PCDHGC3: variants seen among roughly 807,000 people sequenced by gnomAD.
PCDHGC3 encodes protocadherin gamma subfamily C, 3, also known as protocadherin gamma-C3.
Under a neutral mutation model 59.2 loss-of-function variants are expected in PCDHGC3, and 26 were observed. That is an observed-to-expected ratio of 0.44 (90% CI 0.32 to 0.61). The LOEUF is 0.61. Among genes scored for constraint, PCDHGC3 ranks in the 20% least tolerant of loss-of-function variants. PCDHGC3 has a pLI of 0.05. For missense variants in PCDHGC3, 1,080 were observed against 1,221.8 expected, an observed-to-expected ratio of 0.88 and a Z score of 1.73; for synonymous variants, 487 against 519.7, an observed-to-expected ratio of 0.94 and a Z score of 0.86.
rs1446743849 is a variant in PCDHGC3, at chr5:141,476,288, C to T, written c.172C>T (p.Leu58Phe). The T allele has an allele frequency of 1.3e-5, 21 of 1,613,980 alleles. No individual in the cohort carries two copies. The highest frequency in any genetic ancestry group is 2.2e-5 in the South Asian group (2 of 91,076). Residue 58 changes from leucine to phenylalanine, a missense_variant, in exon 1 of 4, where the codon CTC becomes TTC. Physicochemically the swap from Leu to Phe is conservative, Grantham distance 22. Coordinates refer to ENST00000308177, the MANE Select transcript of PCDHGC3 (RefSeq NM_002588.4). This position sits in a 1 kb window ranked among gnomAD's most constrained non-coding sequence, Gnocchi z 7.6. ...CGTGGTCGCGAACCTTGGTTTGGAT[C>T]TCGGTAGCCTCTCAGCCCGCAGGTT... ...GNVVANLGLD[L>F]GSLSARRFRV...
At position 141,490,440 on chromosome 5, in the gene PCDHGC3, T is replaced by C. The variant is rs560525159; in HGVS notation, c.2431-4367T>C. On this transcript the variant is annotated intron_variant, in intron 1 of 3. Transcript: ENST00000308177. This position sits in a 1 kb window ranked among gnomAD's most constrained non-coding sequence, Gnocchi z 5.4. ...ACCTGCCATTTCAGATTAAGCCTTC[T>C]GAGAACCACTACTCGCTGCTAACCA... 7 of 1,614,206 alleles carry C rather than the reference T, an allele frequency of 4.3e-6. No homozygotes were observed. Among genetic ancestry groups the C allele is most frequent in the Non-Finnish European group, 5.9e-6 (7 of 1,180,040 alleles).
In PCDHGC3 at chr5:141,491,908, G is replaced by T; in HGVS notation, c.2431-2899G>T. ...GGGGCTCCGAGCACCGGGGGTGGTG[G>T]CGACTGTGGGCGAGGGGAGGTGGGA... On this transcript the variant is annotated intron_variant, in intron 1 of 3. Transcript: ENST00000308177. The surrounding 1 kb of genome is among the most constrained non-coding windows in gnomAD (Gnocchi z 6.9). 7.1e-7 allele frequency: 1 copy of T among 1,408,288 alleles called. No homozygotes were observed. Among genetic ancestry groups the T allele is most frequent in the Non-Finnish European group, 9.4e-7 (1 of 1,060,836 alleles). The allele number at this position is 1,408,288 out of a possible 1,614,324, so 87.2% of individuals were successfully genotyped here. A position where few individuals can be genotyped will look rare whatever the true frequency, so the allele number is the denominator to read the frequency against.
intron 3 of PCDHGC3, among the ~76,000 whole-genome samples, chr5:141,505,976 A>G (rs911235674): frequency 1.3e-5 from 2 of 152,136 alleles, no homozygotes; most frequent in Admixed American, 1.3e-4. Context: ...CCCAGCCGAG[A>G]GAACACCTCC....
Position 141,478,400 on chromosome 5 carries a change from C to A in PCDHGC3, c.2284C>A (p.Leu762Ile), listed in dbSNP as rs1295855090. ...GCCGCACCTTTACCATCAGGTGTAT[C>A]TCACCACGGACTCCCGCCGCAGCGA... ...MSPHLYHQVYLTTDSRRSDPL... is the reference protein window; with the variant it reads ...MSPHLYHQVYITTDSRRSDPL... Residue 762 changes from leucine to isoleucine, a missense_variant, in exon 1 of 4, where the codon CTC (leucine) becomes ATC (isoleucine). Leu to Ile is a conservative substitution (Grantham distance 5). Coordinates refer to ENST00000308177, the MANE Select transcript of PCDHGC3 (RefSeq NM_002588.4). 6.2e-7 allele frequency: 1 copy of A among 1,613,550 alleles called. No individual in the cohort carries two copies. The highest frequency in any genetic ancestry group is 2.2e-5 in the East Asian group (1 of 44,874).
chr5:141,507,522 C>G (rs560304194), intron 3 of PCDHGC3, among the ~76,000 whole-genome samples: 365 of 152,096 alleles, frequency 2.4e-3, no homozygotes, highest in African/African-American at 8.1e-3. Context: ...GCTATGATTC[C>G]AGAGAGGCCA....
chr5:141,495,034 A>C (rs986393420), intron 2 of PCDHGC3, 169 bp downstream of exon 2: 1 of 962,702 alleles, frequency 1.0e-6, no homozygotes, highest in Non-Finnish European at 1.2e-6. Context: ...CCCCGGAAGG[A>C]AGAGGCGACT....
At chr5:141,508,499 C>T (rs1425054102) in intron 3 of PCDHGC3, among the ~76,000 whole-genome samples, 7 of 152,212 alleles carry the variant, frequency 4.6e-5, no homozygotes, top group Non-Finnish European at 1.0e-4. Flanking sequence ...CATATCTTCT[C>T]TCCCTCCTGG....
In PCDHGC3 at chr5:141,490,023, G is replaced by A. The variant is rs1306715385; in HGVS notation, c.2431-4784G>A. The A allele has an allele frequency of 1.2e-6, 2 of 1,614,134 alleles. No homozygotes were observed. Among genetic ancestry groups the A allele is most frequent in the Non-Finnish European group, 1.7e-6 (2 of 1,180,060 alleles). On this transcript the variant is annotated intron_variant, in intron 1 of 3. Transcript: ENST00000308177. This position sits in a 1 kb window ranked among gnomAD's most constrained non-coding sequence, Gnocchi z 5.4. ...AGAATGCACCCATTGGTACTCTGCT[G>A]CTCCGCCTCAATGCCACTGATCCAG... is the stretch of plus-strand genomic sequence containing the variant.
rs951029522 is a variant in PCDHGC3, at chr5:141,487,944, G to A, written c.2431-6863G>A. 6.6e-6 allele frequency among the ~76,000 whole-genome samples: 1 copy of A among 152,164 alleles called. No homozygotes were observed. Among genetic ancestry groups the A allele is most frequent in the Admixed American group, 6.5e-5 (1 of 15,282 alleles). On this transcript the variant is annotated intron_variant, in intron 1 of 3. Transcript: ENST00000308177. The surrounding 1 kb of genome is among the most constrained non-coding windows in gnomAD (Gnocchi z 5.0). ...ACAGTGCACAGGGTACAGTGCACCA[G>A]GCAGTCACTTGGACAAAGGTGGCTG...
At chr5:141,497,719 T>C (rs1311566820) in intron 2 of PCDHGC3, among the ~76,000 whole-genome samples, 2 of 152,076 alleles carry the variant, frequency 1.3e-5, no homozygotes, top group Non-Finnish European at 2.9e-5. Context: ...TTTGTATTTT[T>C]AGTAGAGATG....
chr5:141,485,866 C>T lies in PCDHGC3; in HGVS notation c.2430+7320C>T. The T allele has an allele frequency of 2.5e-6, 4 of 1,614,144 alleles. No individual in the cohort carries two copies. Among genetic ancestry groups the T allele is most frequent in the Non-Finnish European group, 3.4e-6 (4 of 1,180,014 alleles). On this transcript the variant is annotated intron_variant, in intron 1 of 3. Coordinates refer to ENST00000308177, the MANE Select transcript of PCDHGC3 (RefSeq NM_002588.4). The surrounding 1 kb of genome is among the most constrained non-coding windows in gnomAD (Gnocchi z 5.7). ...CTGGCACCGCAGAGCTCCGGGTATCCGTGCTGGACGTAAACGACAACGCCC... is the reference window on the plus strand; with the variant it reads ...CTGGCACCGCAGAGCTCCGGGTATCTGTGCTGGACGTAAACGACAACGCCC...
chr5:141,498,684 C>T (rs1255085852), intron 2 of PCDHGC3, among the ~76,000 whole-genome samples: 1 of 152,192 alleles, frequency 6.6e-6, no homozygotes, highest in South Asian at 2.1e-4. Flanking sequence ...GTAATCCCAG[C>T]ACTTTGGGAG....
chr5:141,491,938 C>A lies in PCDHGC3; in HGVS notation c.2431-2869C>A, dbSNP rs1207647899. Reference sequence around the variant, plus strand: ...TGTGGGCGAGGGGAGGTGGGACCGACCCCCACCCCTACACTCAAAAAAGGC... The same window carrying A: ...TGTGGGCGAGGGGAGGTGGGACCGAACCCCACCCCTACACTCAAAAAAGGC... On this transcript the variant is annotated intron_variant, in intron 1 of 3. Transcript: ENST00000308177. This position sits in a 1 kb window ranked among gnomAD's most constrained non-coding sequence, Gnocchi z 6.9. 1.7e-6 allele frequency: 2 copies of A among 1,199,072 alleles called. No homozygotes were observed. The highest frequency in any genetic ancestry group is 3.1e-5 in the Admixed American group (1 of 32,246). The allele number at this position is 1,199,072 out of a possible 1,614,324, so 74.3% of individuals were successfully genotyped here. A position where few individuals can be genotyped will look rare whatever the true frequency, so the allele number is the denominator to read the frequency against.
chr5:141,476,421 C>T lies in PCDHGC3; in HGVS notation c.305C>T (p.Pro102Leu), dbSNP rs765688262. The change falls in exon 1 of 4, where the codon CCC becomes CTC. Residue 102 changes from proline (P) to leucine (L), a missense_variant. By Grantham distance (98) the Pro-to-Leu change is moderately conservative (BLOSUM62 -3). Coordinates refer to ENST00000308177, the MANE Select transcript of PCDHGC3 (RefSeq NM_002588.4). The surrounding 1 kb of genome is among the most constrained non-coding windows in gnomAD (Gnocchi z 7.6). The part of the protein sequence containing the change: ...LDREELCGTL[P>L]SCTVTLELVV... ...CGAGAGGAGCTGTGTGGGACACTGC[C>T]CTCTTGCACTGTAACTCTGGAGTTG... 1 of 1,614,026 alleles carries T rather than the reference C, an allele frequency of 6.2e-7. No homozygotes were observed. The highest frequency in any genetic ancestry group is 8.5e-7 in the Non-Finnish European group (1 of 1,179,994).
At position 141,478,520 on chromosome 5, in the gene PCDHGC3, G is replaced by A; in HGVS notation, c.2404G>A (p.Gly802Ser). 1 of 1,610,510 alleles carries A rather than the reference G, an allele frequency of 6.2e-7. No homozygotes were observed. Among genetic ancestry groups the A allele is most frequent in the Non-Finnish European group, 8.5e-7 (1 of 1,178,308 alleles). Residue 802 changes from glycine (G) to serine (S), a missense_variant, in exon 1 of 4, where the codon GGT (glycine) becomes AGT (serine). By Grantham distance (56) the Gly-to-Ser change is moderately conservative. Coordinates refer to ENST00000308177, the MANE Select transcript of PCDHGC3 (RefSeq NM_002588.4). ...TCCGGTGTTCTATAGGCAGGTGTTGGGTGCAGAGAGCGCCCCTCCCGGACA... is the reference window on the plus strand; with the variant it reads ...TCCGGTGTTCTATAGGCAGGTGTTGAGTGCAGAGAGCGCCCCTCCCGGACA... ...CDPVFYRQVL[G>S]AESAPPGQQA...
Position 141,494,869 on chromosome 5 carries a change from G to A in PCDHGC3, c.2489+4G>A. 6.2e-7 allele frequency: 1 copy of A among 1,614,144 alleles called. No individual in the cohort carries two copies. Among genetic ancestry groups the A allele is most frequent in the Non-Finnish European group, 8.5e-7 (1 of 1,180,010 alleles). On this transcript the variant is annotated splice_donor_region_variant and intron_variant, in intron 2 of 3. Coordinates refer to ENST00000308177, the MANE Select transcript of PCDHGC3 (RefSeq NM_002588.4). The stretch of plus-strand genomic sequence containing the variant: ...CCCAGAGACCCGGCACCAGCGGGTA[G>A]GTGACTGATTCTCCAGCCCACCCTC...
intron 2 of PCDHGC3, among the ~76,000 whole-genome samples, chr5:141,495,407 C>T: frequency 6.6e-6 from 1 of 152,218 alleles, no homozygotes; most frequent in East Asian, 1.9e-4. Flanking sequence ...AGGCCCCCTT[C>T]TCCGGCCCCT....
At chr5:141,504,594 C>T (rs2099839378) in intron 2 of PCDHGC3, among the ~76,000 whole-genome samples, 2 of 140,288 alleles carry the variant, frequency 1.4e-5, no homozygotes, top group South Asian at 4.4e-4. Context: ...GGATTCACAG[C>T]AAGAGGGAAC....
In PCDHGC3 at chr5:141,502,866, CT is replaced by C. The variant is rs549047197; in HGVS notation, c.2490-2513del. Among the ~76,000 whole-genome samples the C allele has an allele frequency of 2.5e-3, 324 of 127,930 alleles. 1 individual carries two copies. Among genetic ancestry groups the C allele is most frequent in the Non-Finnish European group, 3.0e-3 (189 of 62,366 alleles). 83.9% of individuals were successfully genotyped at this position (127,930 alleles called of 152,430 possible). On this transcript the variant is annotated intron_variant, in intron 2 of 3. Transcript: ENST00000308177. ...GAGCTGCCTAACCCTGACTCTCTGT[CT>C]TTTTTTTTTTTTTGACAGGGAGTCT...
Sources: allele counts gnomAD v4.1 joint callset (sites outside exome capture counted in the v4.1 genomes callset), GRCh38; gene constraint gnomAD v4.1.1; non-coding constraint Gnocchi (gnomAD v3.1); transcripts MANE v1.5; gene names NCBI Gene and HGNC (gene_info 2026-07-23, HGNC 2026-07-21).